The following SLC17A8 variants were observed in gnomAD, a reference collection of about 807,000 sequenced individuals.
SLC17A8 encodes the protein solute carrier family 17 member 8, also known as vesicular glutamate transporter 3.
Under a neutral mutation model 58.0 loss-of-function variants are expected in SLC17A8, and 31 were observed. The ratio of observed to expected loss-of-function variants is 0.53; its 90% CI spans 0.40 to 0.72. The LOEUF (loss-of-function observed/expected upper bound fraction) is 0.72, where lower values mean the gene tolerates loss of function less well. SLC17A8 is among the 30% of genes least tolerant of loss of function. SLC17A8 has a pLI of 0.00. For missense variants in SLC17A8, 655 were observed against 727.8 expected, an observed-to-expected ratio of 0.90 and a Z score of 1.15; for synonymous variants, 228 against 249.0, an observed-to-expected ratio of 0.92 and a Z score of 0.79.
intron 4 of SLC17A8, 37 bp from the exon 5 acceptor site, chr12:100,396,293 G>A (rs1359028370): frequency 6.5e-7 from 1 of 1,534,014 alleles, no homozygotes; most frequent in African/African-American, 1.4e-5. Flanking sequence ...AGAAACTACA[G>A]TCAAATCAAC....
At chr12:100,404,201 G>A in intron 9 of SLC17A8, 31 bp downstream of exon 9, 1 of 1,613,858 alleles carries the variant, frequency 6.2e-7, no homozygotes, top group South Asian at 1.1e-5. Flanking sequence ...GGCTTAGGCA[G>A]CTTTTGTAGA....
chr12:100,377,585 ATTTTTTT>A (rs35397911), intron 1 of SLC17A8, among the ~76,000 whole-genome samples: 242 of 84,036 alleles, frequency 2.9e-3, no homozygotes, highest in Non-Finnish European at 4.1e-3. Context: ...ATATATATAT[ATTTTTTT>A]TTTTTTTTTT....
At chr12:100,403,571 G>C (rs1952806646) in intron 8 of SLC17A8, among the ~76,000 whole-genome samples, 1 of 152,074 alleles carries the variant, frequency 6.6e-6, no homozygotes, top group Admixed American at 6.5e-5. Context: ...AGGGAGGAAG[G>C]GTGTGGATAG....
At chr12:100,358,127 T>C (rs1474330774) in intron 1 of SLC17A8, among the ~76,000 whole-genome samples, 2 of 152,196 alleles carry the variant, frequency 1.3e-5, no homozygotes, top group Non-Finnish European at 1.5e-5. Flanking sequence ...TAAAATATAT[T>C]AATGGAAGGA....
At chr12:100,398,004 C>T (rs1952764914) in intron 5 of SLC17A8, among the ~76,000 whole-genome samples, 1 of 151,122 alleles carries the variant, frequency 6.6e-6, no homozygotes, top group African/African-American at 2.4e-5. Context: ...GTGTGAATTA[C>T]AGCTTAGGTC....
intron 2 of SLC17A8, among the ~76,000 whole-genome samples, chr12:100,386,392 TGAATAGCA>T (rs1180351430): frequency 4.6e-5 from 7 of 152,208 alleles, no homozygotes; most frequent in African/African-American, 1.7e-4. Context: ...AGTACAATGT[TGAATAGCA>T]GATCTCTAGA....
intron 2 of SLC17A8, among the ~76,000 whole-genome samples, chr12:100,389,161 G>C (rs1165262071): frequency 1.3e-5 from 2 of 152,212 alleles, no homozygotes; most frequent in Admixed American, 6.5e-5. Context: ...TCCAGCCCTA[G>C]AGAATCACAT....
rs1329117314 is a variant in SLC17A8 at position 100,404,149 on chromosome 12, A to C, written c.1165A>C (p.Arg389=). 1 of 1,614,092 alleles carries C rather than the reference A, an allele frequency of 6.2e-7. No individual in the cohort carries two copies. Among genetic ancestry groups the C allele is most frequent in the Non-Finnish European group, 8.5e-7 (1 of 1,180,022 alleles). The stretch of plus-strand genomic sequence containing the variant: ...ACAAATTTTAACCACAACTGCTGTC[A>C]GAAAAATCATGAACTGTGGAGGTAC... The part of the protein sequence containing the change: ...SRQILTTTAV[R]KIMNCGGFGM... Residue 389 remains arginine, a synonymous_variant, in exon 9 of 12, where the codon AGA becomes CGA. Transcript: ENST00000323346.
At position 100,412,871 on chromosome 12, in the gene SLC17A8, G is replaced by A. The variant is rs1241030227; in HGVS notation, c.1288G>A (p.Ala430Thr). Residue 430 changes from alanine (A) to threonine (T), a missense_variant, in exon 10 of 12, where the codon GCT becomes ACT. Ala to Thr is a moderately conservative substitution (Grantham distance 58). Transcript: ENST00000323346. ...LVLAVGFSGF[A>T]ISGFNVNHLD... The stretch of plus-strand genomic sequence containing the variant: ...ACTTGCTGTAGGATTTAGTGGCTTC[G>A]CTATTTCAGGTAATGTGTCCTTTGG... 1.9e-6 allele frequency: 3 copies of A among 1,612,278 alleles called. No homozygotes were observed. The highest frequency in any genetic ancestry group is 2.2e-5 in the East Asian group (1 of 44,858).
At chr12:100,375,712 C>T (rs1186149509) in intron 1 of SLC17A8, among the ~76,000 whole-genome samples, 1 of 152,212 alleles carries the variant, frequency 6.6e-6, no homozygotes, top group Admixed American at 6.5e-5. Context: ...TGACTGGTGA[C>T]ACTTTATTAA....
At chr12:100,375,707 G>C (rs1952590300) in intron 1 of SLC17A8, among the ~76,000 whole-genome samples, 1 of 152,160 alleles carries the variant, frequency 6.6e-6, no homozygotes, top group Admixed American at 6.5e-5. Flanking sequence ...GCTTATGACT[G>C]GTGACACTTT....
Position 100,405,016 on chromosome 12 carries a change from A to G in SLC17A8, c.1186+846A>G, listed in dbSNP as rs74687335. 4.5e-3 allele frequency among the ~76,000 whole-genome samples: 681 copies of G among 152,342 alleles called. 2 individuals carry two copies. The highest frequency in any genetic ancestry group is 0.01 in the Admixed American group (156 of 15,298). On this transcript the variant is annotated intron_variant, in intron 9 of 11. Coordinates refer to ENST00000323346, the MANE Select transcript of SLC17A8 (RefSeq NM_139319.3). ...CTCACAACTGTGATATTAAGTTGAA[A>G]GGGACGGATTGCGTATGCTCTGACA... is the stretch of plus-strand genomic sequence containing the variant.
chr12:100,381,723 C>T (rs576246637), intron 2 of SLC17A8, among the ~76,000 whole-genome samples: 93 of 152,164 alleles, frequency 6.1e-4, no homozygotes, highest in Admixed American at 9.8e-4. Flanking sequence ...AAATAAAACA[C>T]AAAGGATGAC....
At chr12:100,388,420 G>C (rs1165951789) in intron 2 of SLC17A8, among the ~76,000 whole-genome samples, 1 of 152,188 alleles carries the variant, frequency 6.6e-6, no homozygotes, top group Non-Finnish European at 1.5e-5. Context: ...CCAGTGCATA[G>C]AACTATGCGT....
chr12:100,359,770 A>T (rs1952472841), intron 1 of SLC17A8, among the ~76,000 whole-genome samples: 1 of 152,190 alleles, frequency 6.6e-6, no homozygotes, highest in African/African-American at 2.4e-5. Flanking sequence ...AGGTAATTGT[A>T]TGTAAATGAC....
rs762651528 is a variant in SLC17A8 at position 100,357,341 on chromosome 12, GAC to G, written c.-49_-48del. 9.9e-7 allele frequency: 1 copy of G among 1,012,258 alleles called. No individual in the cohort carries two copies. The allele number at this position is 1,012,258 out of a possible 1,614,324, so 62.7% of individuals were successfully genotyped here. ...TCTCACACTGGAAATGAGGAAGGAT[GAC>G]AGTTTTTGAGACTGACTGTTAACGG... On this transcript the variant is annotated 5_prime_UTR_variant, in exon 1 of 12. It removes the in-frame stop codon of an upstream open reading frame in the 5' UTR. Transcript: ENST00000323346.
intron 9 of SLC17A8, among the ~76,000 whole-genome samples, chr12:100,405,417 G>T (rs532005139): frequency 1.3e-5 from 2 of 152,166 alleles, no homozygotes; most frequent in East Asian, 3.9e-4. Context: ...TTAAATTGAG[G>T]TTCTTGAGAT....
intron 1 of SLC17A8, 103 bp downstream of exon 1, chr12:100,357,595 G>C (rs961245407): frequency 5.0e-5 from 40 of 796,092 alleles, no homozygotes; most frequent in Admixed American, 9.6e-5. Flanking sequence ...TTAATGAGGA[G>C]AGGATGGGTC....
At chr12:100,419,481 C>T (rs1422269471) in intron 11 of SLC17A8, among the ~76,000 whole-genome samples, 1 of 150,186 alleles carries the variant, frequency 6.7e-6, no homozygotes, top group Non-Finnish European at 1.5e-5. Flanking sequence ...TGCAGTGAGC[C>T]GAGATCGCGC....
Sources: gnomAD v4.1 joint callset for allele counts (sites outside exome capture counted in the v4.1 genomes callset) on GRCh38, gnomAD v4.1.1 for gene constraint, MANE v1.5 for transcripts, NCBI Gene and HGNC (gene_info 2026-07-23, HGNC 2026-07-21) for gene names.